MRE11: variants seen among roughly 807,000 people sequenced by gnomAD.
MRE11 encodes the protein MRE11 double strand break repair nuclease.
A neutral mutation model predicts 91.7 loss-of-function variants in MRE11; 62 were observed. That is an observed-to-expected ratio of 0.68 (90% CI 0.55 to 0.84). The LOEUF is 0.84. Ranked by LOEUF, MRE11 falls within the 40% of genes least tolerant of loss-of-function variation. The pLI, the probability that MRE11 is intolerant of heterozygous loss-of-function variation, is 0.00. For missense variants in MRE11, 796 were observed against 852.9 expected (o/e 0.93, Z 0.83); for synonymous variants, 273 against 271.4 (o/e 1.01, Z -0.06).
intron 4 of MRE11, among the ~76,000 whole-genome samples, chr11:94,480,581 G>A (rs561943737): frequency 1.5e-4 from 23 of 152,146 alleles, no homozygotes; most frequent in Non-Finnish European, 2.6e-4. Flanking sequence ...CTGGTGAGTC[G>A]ACCTGTAAAG....
At chr11:94,458,509 T>G (rs1209873931) in intron 13 of MRE11, among the ~76,000 whole-genome samples, 1 of 152,150 alleles carries the variant, frequency 6.6e-6, no homozygotes, top group Non-Finnish European at 1.5e-5. Flanking sequence ...TATCAAAACA[T>G]TTCCAATTAT....
chr11:94,437,310 T>C, intron 16 of MRE11, 75 bp from the exon 17 acceptor site: 1 of 1,427,614 alleles, frequency 7.0e-7, no homozygotes, highest in South Asian at 1.2e-5. Flanking sequence ...CTTCTTTAGC[T>C]AAAGATTTTC....
intron 16 of MRE11, among the ~76,000 whole-genome samples, chr11:94,439,560 A>T (rs541383906): frequency 3.3e-5 from 5 of 152,282 alleles, no homozygotes; most frequent in African/African-American, 1.2e-4. Flanking sequence ...TAAATACTTA[A>T]GCTCATTTAA....
At chr11:94,478,665 T>G (rs906227746) in intron 6 of MRE11, 70 bp downstream of exon 6, 1 of 1,576,924 alleles carries the variant, frequency 6.3e-7, no homozygotes, top group Non-Finnish European at 8.7e-7. Flanking sequence ...AGATACAAAC[T>G]TATCTCCAAA....
In MRE11 at chr11:94,465,395, CT is replaced by C. The variant is rs752729940; in HGVS notation, c.1099-1157del. Among the ~76,000 whole-genome samples the C allele has an allele frequency of 9.7e-3, 1,235 of 127,940 alleles. 7 individuals carry two copies. Among genetic ancestry groups the C allele is most frequent in the African/African-American group, 0.03 (973 of 32,474 alleles). 83.9% of individuals were successfully genotyped at this position (127,940 alleles called of 152,430 possible). On this transcript the variant is annotated intron_variant, in intron 10 of 19. Transcript: ENST00000323929. ...TTACCCAGACCATCTCTCTCTCTCT[CT>C]TTTTTTTTTTTTTTTTTTTGAGATG...
the MRE11 span, among the ~76,000 whole-genome samples, chr11:94,500,962 C>T: frequency 6.6e-6 from 1 of 152,154 alleles, no homozygotes; most frequent in Non-Finnish European, 1.5e-5. Context: ...CATCTTCACC[C>T]TACCTGCAAT....
intron 18 of MRE11, among the ~76,000 whole-genome samples, chr11:94,430,341 T>G (rs1172412806): frequency 6.6e-6 from 1 of 151,406 alleles, no homozygotes; most frequent in African/African-American, 2.5e-5. Flanking sequence ...ACTACAACAA[T>G]ACTTACTTAT....
chr11:94,426,265 T>A (rs1186909512), intron 19 of MRE11, among the ~76,000 whole-genome samples: 2 of 152,070 alleles, frequency 1.3e-5, no homozygotes, highest in East Asian at 1.9e-4. Flanking sequence ...AATAAAAAAA[T>A]TCTTTGAAAT....
At chr11:94,471,872 A>G in intron 7 of MRE11, 113 bp from the exon 8 acceptor site, 1 of 832,184 alleles carries the variant, frequency 1.2e-6, no homozygotes, top group Non-Finnish European at 1.9e-6. Context: ...GCATCCTTCT[A>G]TGTACCAGAA....
chr11:94,489,053 A>T (rs1947218300), intron 3 of MRE11, among the ~76,000 whole-genome samples: 1 of 152,134 alleles, frequency 6.6e-6, no homozygotes, highest in Admixed American at 6.6e-5. Context: ...CAAACAAAAG[A>T]TTTCCACTCT....
At chr11:94,504,253 T>C in the MRE11 span, among the ~76,000 whole-genome samples, 5 of 152,212 alleles carry the variant, frequency 3.3e-5, no homozygotes, top group African/African-American at 4.8e-5. Flanking sequence ...GTTATATTTT[T>C]ATGAAGTCGA....
intron 2 of MRE11, 142 bp from the exon 3 acceptor site, chr11:94,491,107 T>C: frequency 1.6e-6 from 1 of 624,580 alleles, no homozygotes; most frequent in Non-Finnish European, 2.7e-6. Context: ...CATCTGAAAA[T>C]CTGAAGTATT....
intron 19 of MRE11, among the ~76,000 whole-genome samples, chr11:94,427,820 G>A (rs528186514): frequency 6.6e-6 from 1 of 152,018 alleles, no homozygotes; most frequent in Non-Finnish European, 1.5e-5. Context: ...TAAATACATA[G>A]CTATATAGCT....
chr11:94,464,372 G>A, intron 10 of MRE11, 133 bp from the exon 11 acceptor site: 2 of 1,185,204 alleles, frequency 1.7e-6, no homozygotes, highest in South Asian at 2.8e-5. Context: ...TTCTACAGTA[G>A]ATCATGATGG....
At chr11:94,440,850 A>G (rs986525357) in intron 16 of MRE11, among the ~76,000 whole-genome samples, 2 of 152,126 alleles carry the variant, frequency 1.3e-5, no homozygotes, top group South Asian at 4.1e-4. Context: ...CCTCTTCATC[A>G]GAGACTCCCT....
chr11:94,462,082 TG>T (rs1479065845), intron 11 of MRE11, among the ~76,000 whole-genome samples: 7 of 151,720 alleles, frequency 4.6e-5, no homozygotes, highest in Non-Finnish European at 1.0e-4. Context: ...CTCAAAAAAA[TG>T]AAAATAAAAA....
chr11:94,420,306 AT>A, intron 19 of MRE11, 125 bp from the exon 20 acceptor site: 1 of 709,644 alleles, frequency 1.4e-6, no homozygotes, highest in Non-Finnish European at 2.4e-6. Flanking sequence ...TTATTTTTCT[AT>A]TTCCTTTATA....
At chr11:94,447,472 T>C (rs759552724) in intron 14 of MRE11, 34 bp from the exon 15 acceptor site, 2 of 1,580,954 alleles carry the variant, frequency 1.3e-6, no homozygotes, top group Admixed American at 1.7e-5. Flanking sequence ...GTACACACAA[T>C]GAGATAACGT....
intron 9 of MRE11, among the ~76,000 whole-genome samples, chr11:94,469,279 GATC>G (rs2135032607): frequency 6.6e-6 from 1 of 152,228 alleles, no homozygotes; most frequent in South Asian, 2.1e-4. Flanking sequence ...AAACATTTTT[GATC>G]ATCACGACCA....
Sources: gnomAD v4.1 joint callset for allele counts (sites outside exome capture counted in the v4.1 genomes callset) on GRCh38, gnomAD v4.1.1 for gene constraint, MANE v1.5 for transcripts, NCBI Gene and HGNC (gene_info 2026-07-23, HGNC 2026-07-21) for gene names.